Variants in DYM observed in about 807,000 individuals in gnomAD.
The protein encoded by DYM is dymeclin.
In DYM, 78 loss-of-function variants were observed where a neutral mutation model predicts 93.1. The ratio of observed to expected loss-of-function variants is 0.84; its 90% CI spans 0.70 to 1.01. The LOEUF is 1.01. Ranked by LOEUF, DYM falls within the 50% of genes least tolerant of loss-of-function variation. The probability of loss-of-function intolerance (pLI) is 0.00; values close to 1 mark genes in which losing one functional copy is unlikely to be tolerated. For synonymous variants in DYM, 321 were observed against 319.7 expected, an observed-to-expected ratio of 1.00 and a Z score of -0.04; for missense variants, 789 against 845.0, an observed-to-expected ratio of 0.93 and a Z score of 0.82.
intron 17 of DYM, among the ~76,000 whole-genome samples, chr18:49,082,198 C>T (rs2078109415): frequency 6.6e-6 from 1 of 152,244 alleles, no homozygotes; most frequent in Non-Finnish European, 1.5e-5. Context: ...ATGCCACGAA[C>T]TACATGGACT....
At chr18:49,415,377 C>T (rs1272508967) in intron 2 of DYM, among the ~76,000 whole-genome samples, 21 of 142,168 alleles carry the variant, frequency 1.5e-4, no homozygotes, top group African/African-American at 5.2e-4. Context: ...AGAATTAAAA[C>T]GATATACACC....
At chr18:49,119,069 C>T (rs1391755499) in intron 15 of DYM, 143 bp from the exon 16 acceptor site, 1 of 743,652 alleles carries the variant, frequency 1.3e-6, no homozygotes, top group Non-Finnish European at 2.2e-6. Context: ...TTATTTCTGT[C>T]AAGAATCTTA....
At chr18:49,390,284 G>C (rs1248238261) in intron 3 of DYM, among the ~76,000 whole-genome samples, 1 of 152,006 alleles carries the variant, frequency 6.6e-6, no homozygotes, top group Non-Finnish European at 1.5e-5. Flanking sequence ...AAAATCATTA[G>C]GCAGGTGTGG....
rs1359896037 is a variant in DYM, at chr18:49,040,292, TGTCTGA to T, written c.*3757_*3762del. 6.6e-6 allele frequency among the ~76,000 whole-genome samples: 1 copy of T among 152,236 alleles called. No homozygotes were observed. The highest frequency in any genetic ancestry group is 1.9e-4 in the East Asian group (1 of 5,196). On this transcript the variant is annotated 3_prime_UTR_variant, in exon 18 of 18. Coordinates refer to ENST00000675505, the MANE Select transcript of DYM (RefSeq NM_001353214.3). ...GGGATTTTGCTAATGCCAGAGGCTG[TGTCTGA>T]GTAGCTGACATTTAGACAGCCTTGT... is the stretch of plus-strand genomic sequence containing the variant.
chr18:49,231,176 T>C (rs922626942), intron 13 of DYM, among the ~76,000 whole-genome samples: 3 of 152,214 alleles, frequency 2.0e-5, no homozygotes, highest in African/African-American at 4.8e-5. Context: ...TATTTATTCA[T>C]ATATGTATGC....
At chr18:49,155,349 G>A (rs755950576) in intron 15 of DYM, among the ~76,000 whole-genome samples, 20 of 151,816 alleles carry the variant, frequency 1.3e-4, no homozygotes, top group Non-Finnish European at 2.4e-4. Context: ...TTTTCCCCCC[G>A]TGCTCAAAGC....
intron 8 of DYM, among the ~76,000 whole-genome samples, chr18:49,327,878 T>C (rs1169095991): frequency 6.6e-5 from 10 of 152,146 alleles, no homozygotes; most frequent in Non-Finnish European, 1.3e-4. Context: ...CCACAGATGT[T>C]GGATGGCGCT....
At chr18:49,222,911 T>C (rs551133050) in intron 13 of DYM, among the ~76,000 whole-genome samples, 1 of 152,282 alleles carries the variant, frequency 6.6e-6, no homozygotes, top group African/African-American at 2.4e-5. Flanking sequence ...CATGAAAGAA[T>C]GATGGTGACA....
chr18:49,206,249 T>G (rs1439198064), intron 14 of DYM, among the ~76,000 whole-genome samples: 1 of 152,114 alleles, frequency 6.6e-6, no homozygotes, highest in Non-Finnish European at 1.5e-5. Context: ...CTGCCCATCT[T>G]GGCCTCCCAA....
intron 8 of DYM, among the ~76,000 whole-genome samples, chr18:49,314,536 G>C (rs2061805302): frequency 2.0e-5 from 3 of 152,164 alleles, no homozygotes; most frequent in African/African-American, 7.2e-5. Context: ...ACTAAATAAA[G>C]ACCAAAGCAG....
rs942529495 is a variant in DYM, at chr18:49,147,158, A to G, written c.1728+16527T>C. 6.9e-3 allele frequency among the ~76,000 whole-genome samples: 1,043 copies of G among 152,096 alleles called. 18 individuals carry two copies. Among genetic ancestry groups the G allele is most frequent in the African/African-American group, 0.024 (997 of 41,420 alleles). On this transcript the variant is annotated intron_variant, in intron 15 of 17. Coordinates refer to ENST00000675505, the MANE Select transcript of DYM (RefSeq NM_001353214.3). ...GGCTAGCCATATGTAGAAAGCTGAA[A>G]CTGGATCTCTTCCTTACACCTTACA...
At chr18:49,146,016 T>G (rs1025112366) in intron 15 of DYM, among the ~76,000 whole-genome samples, 19 of 152,200 alleles carry the variant, frequency 1.2e-4, no homozygotes, top group Non-Finnish European at 2.6e-4. Flanking sequence ...ATTGATTCCC[T>G]ACCATATGTA....
At chr18:49,130,189 T>C (rs914681422) in intron 15 of DYM, among the ~76,000 whole-genome samples, 1 of 152,172 alleles carries the variant, frequency 6.6e-6, no homozygotes, top group Non-Finnish European at 1.5e-5. Flanking sequence ...GCCCTACTGC[T>C]GGGACTGCTG....
intron 13 of DYM, among the ~76,000 whole-genome samples, chr18:49,222,258 T>A (rs2093391526): frequency 6.6e-6 from 1 of 152,110 alleles, no homozygotes; most frequent in Non-Finnish European, 1.5e-5. Context: ...ATCTAAAATT[T>A]GAATTAGAAC....
intron 2 of DYM, among the ~76,000 whole-genome samples, chr18:49,405,555 G>A (rs2071386662): frequency 6.6e-6 from 1 of 152,104 alleles, no homozygotes; most frequent in Admixed American, 6.5e-5. Context: ...GTAGGTATAT[G>A]GCTTTATTTC....
At chr18:49,390,504 AT>A (rs1001577981) in intron 3 of DYM, among the ~76,000 whole-genome samples, 18 of 146,926 alleles carry the variant, frequency 1.2e-4, no homozygotes, top group South Asian at 2.1e-4. Flanking sequence ...ATACAGCTCG[AT>A]TTTTTTTTTT....
rs115495008 is a variant in DYM, at chr18:49,279,884, C to T, written c.1125+2113G>A. Among the ~76,000 whole-genome samples the T allele has an allele frequency of 3.4e-3, 525 of 152,264 alleles. 4 individuals are homozygous for T. The highest frequency in any genetic ancestry group is 0.012 in the African/African-American group (487 of 41,540). ...CACACTTTTTGTTCTTAGTGTCAAT[C>T]TGATGTAGAATACATTCAATGAATT... On this transcript the variant is annotated intron_variant, in intron 10 of 17. Coordinates refer to ENST00000675505, the MANE Select transcript of DYM (RefSeq NM_001353214.3).
intron 14 of DYM, among the ~76,000 whole-genome samples, chr18:49,179,707 G>C (rs2089732464): frequency 6.6e-6 from 1 of 152,114 alleles, no homozygotes; most frequent in Admixed American, 6.6e-5. Context: ...AGAGAAGGGA[G>C]CTGAGGGAAA....
chr18:49,338,257 C>T (rs2146948793), intron 6 of DYM, among the ~76,000 whole-genome samples: 1 of 152,282 alleles, frequency 6.6e-6, no homozygotes, highest in South Asian at 2.1e-4. Flanking sequence ...TGTTTTGGTC[C>T]TTCATAGGAC....
Sources: allele counts gnomAD v4.1 joint callset (sites outside exome capture counted in the v4.1 genomes callset), GRCh38; gene constraint gnomAD v4.1.1; transcripts MANE v1.5; gene names NCBI Gene and HGNC (gene_info 2026-07-23, HGNC 2026-07-21).